SLC25A15: variants seen among roughly 807,000 people sequenced by gnomAD.
SLC25A15 encodes the protein mitochondrial ornithine transporter 1.
Under a neutral mutation model 32.3 loss-of-function variants are expected in SLC25A15, and 24 were observed. The observed-to-expected ratio is 0.74, with a 90% CI of 0.54 to 1.04. The LOEUF (loss-of-function observed/expected upper bound fraction) is 1.04, where lower values mean the gene tolerates loss of function less well. Among genes scored for constraint, SLC25A15 ranks in the 50% least tolerant of loss-of-function variants. The pLI is 0.00. For missense variants in SLC25A15, 317 were observed against 374.5 expected (o/e 0.85, Z 1.27); for synonymous variants, 132 against 142.1 (o/e 0.93, Z 0.51).
intron 3 of SLC25A15, among the ~76,000 whole-genome samples, chr13:40,800,115 G>A (rs1393937150): frequency 1.3e-5 from 2 of 152,194 alleles, no homozygotes; most frequent in Non-Finnish European, 2.9e-5. Flanking sequence ...GGCAGTCTTA[G>A]TTATTTCAGT....
At chr13:40,803,759 T>C (rs1324312734) in intron 3 of SLC25A15, among the ~76,000 whole-genome samples, 1 of 152,230 alleles carries the variant, frequency 6.6e-6, no homozygotes, top group Non-Finnish European at 1.5e-5. Context: ...GGAAAATCTT[T>C]TTGTGATGCA....
At chr13:40,805,424 G>C (rs1393894817) in intron 4 of SLC25A15, among the ~76,000 whole-genome samples, 169 bp downstream of exon 4, 2 of 152,200 alleles carry the variant, frequency 1.3e-5, no homozygotes, top group Non-Finnish European at 2.9e-5. Flanking sequence ...AGGATTGGCT[G>C]TGATGGGACC....
chr13:40,808,923 ACT>A (rs1389329128), intron 6 of SLC25A15, among the ~76,000 whole-genome samples: 1 of 110,764 alleles, frequency 9.0e-6, no homozygotes, highest in Non-Finnish European at 1.9e-5. Context: ...CAACAGCGAG[ACT>A]CTGTCTCAAA....
intron 4 of SLC25A15, among the ~76,000 whole-genome samples, chr13:40,806,632 G>A (rs1882186586): frequency 6.6e-6 from 1 of 152,202 alleles, no homozygotes; most frequent in South Asian, 2.1e-4. Flanking sequence ...TTATTACCTT[G>A]GGACTTGATC....
chr13:40,809,797 T>C lies in SLC25A15; in HGVS notation c.*130T>C, dbSNP rs541601218. On this transcript the variant is annotated 3_prime_UTR_variant, in exon 7 of 7. Coordinates refer to ENST00000338625, the MANE Select transcript of SLC25A15 (RefSeq NM_014252.4). ...GAATTTTGCTTTTTGTCTTCCCTTC[T>C]ACCCTACATCTTAAACTTTATGGAA... is the stretch of plus-strand genomic sequence containing the variant. The C allele has an allele frequency of 5.6e-6, 5 of 895,176 alleles. No individual in the cohort carries two copies. The highest frequency in any genetic ancestry group is 2.0e-5 in the Admixed American group (1 of 50,972). The allele number at this position is 895,176 out of a possible 1,614,324, so 55.5% of individuals were successfully genotyped here.
At chr13:40,792,902 G>T (rs748828373) in intron 1 of SLC25A15, among the ~76,000 whole-genome samples, 1 of 152,206 alleles carries the variant, frequency 6.6e-6, no homozygotes, top group South Asian at 2.1e-4. Flanking sequence ...TTTGGTGTTC[G>T]TTTTTTCAGT....
At chr13:40,808,805 G>A (rs1018934819) in intron 6 of SLC25A15, among the ~76,000 whole-genome samples, 2 of 151,828 alleles carry the variant, frequency 1.3e-5, no homozygotes, top group South Asian at 2.1e-4. Context: ...CGTGGTGGCA[G>A]GCACCTGTAG....
At chr13:40,801,242 A>AG (rs1281771865) in intron 3 of SLC25A15, among the ~76,000 whole-genome samples, 4 of 151,018 alleles carry the variant, frequency 2.6e-5, no homozygotes, top group African/African-American at 4.9e-5. Context: ...AAAAAAAAAA[A>AG]AAAGAAAAGA....
intron 3 of SLC25A15, 98 bp downstream of exon 3, chr13:40,799,413 G>C: frequency 6.7e-7 from 1 of 1,490,528 alleles, no homozygotes; most frequent in Non-Finnish European, 9.2e-7. Flanking sequence ...CACTTTGGGA[G>C]GCAAAGGCAG....
intron 3 of SLC25A15, among the ~76,000 whole-genome samples, chr13:40,800,880 C>T (rs773536884): frequency 2.6e-5 from 4 of 152,178 alleles, no homozygotes; most frequent in Non-Finnish European, 5.9e-5. Flanking sequence ...GTGTCTCTCT[C>T]GTGAAGAATC....
At chr13:40,794,363 T>G (rs116655604) in intron 2 of SLC25A15, among the ~76,000 whole-genome samples, 2 of 150,212 alleles carry the variant, frequency 1.3e-5, no homozygotes, top group South Asian at 2.1e-4. Context: ...AAAAGACATG[T>G]CTCTGAAAAT....
In SLC25A15 at chr13:40,812,437, T is replaced by TATC. The variant is rs1359431525; in HGVS notation, c.*2773_*2775dup. On this transcript the variant is annotated 3_prime_UTR_variant, in exon 7 of 7. Coordinates refer to ENST00000338625, the MANE Select transcript of SLC25A15 (RefSeq NM_014252.4). ...TGTGTCTAAAGAAATTTCAGTGTTC[T>TATC]ATCATTAAATTATTTACTTAATATT... Among the ~76,000 whole-genome samples, 1 of 152,258 alleles carries TATC rather than the reference T, an allele frequency of 6.6e-6. No homozygotes were observed. Among genetic ancestry groups the TATC allele is most frequent in the African/African-American group, 2.4e-5 (1 of 41,468 alleles).
intron 6 of SLC25A15, among the ~76,000 whole-genome samples, chr13:40,808,932 CAAA>C (rs58015661): frequency 3.0e-4 from 24 of 78,852 alleles, no homozygotes; most frequent in East Asian, 1.9e-3. Context: ...GACTCTGTCT[CAAA>C]AAAAAAAAAA....
At chr13:40,797,761 A>C (rs1267986042) in intron 2 of SLC25A15, among the ~76,000 whole-genome samples, 1 of 152,188 alleles carries the variant, frequency 6.6e-6, no homozygotes, top group African/African-American at 2.4e-5. Context: ...CAGAGTTTAG[A>C]TGGAATAACT....
At chr13:40,797,481 C>A (rs1386371435) in intron 2 of SLC25A15, among the ~76,000 whole-genome samples, 1 of 152,058 alleles carries the variant, frequency 6.6e-6, no homozygotes, top group Non-Finnish European at 1.5e-5. Flanking sequence ...CCAGCATTAC[C>A]TGGGAGAGAA....
chr13:40,798,709 G>A, intron 2 of SLC25A15: 1 of 956,154 alleles, frequency 1.0e-6, no homozygotes, highest in Non-Finnish European at 1.2e-6. Flanking sequence ...ATGAGGAGCT[G>A]AGGCTCAGAA....
chr13:40,808,012 A>G (rs1471729762), intron 5 of SLC25A15, among the ~76,000 whole-genome samples: 2 of 152,218 alleles, frequency 1.3e-5, no homozygotes, highest in South Asian at 2.1e-4. Flanking sequence ...AATAAAAACA[A>G]TTTTGGCTTT....
chr13:40,808,486 G>A lies in SLC25A15; in HGVS notation c.671G>A (p.Trp224Ter), dbSNP rs1339837152. ...GGTGGAGTTGGTGGGATTTGCCTCTGGCTTGCGGTATACCCAGTGGATTGT... is the reference window on the plus strand; with the variant it reads ...GGTGGAGTTGGTGGGATTTGCCTCTAGCTTGCGGTATACCCAGTGGATTGT... ...LSGGVGGICL[W>*]LAVYPVDCIK... The change falls in exon 6 of 7, where the codon TGG (tryptophan) becomes TAG (stop). Residue 224 changes from tryptophan (W) to a stop codon, truncating the protein, a stop_gained. Transcript: ENST00000338625. LOFTEE classifies it high-confidence loss of function. The A allele has an allele frequency of 1.2e-6, 2 of 1,613,422 alleles. No individual in the cohort carries two copies. The highest frequency in any genetic ancestry group is 1.7e-6 in the Non-Finnish European group (2 of 1,179,982).
chr13:40,802,808 G>A (rs767794574), intron 3 of SLC25A15, among the ~76,000 whole-genome samples: 6 of 152,038 alleles, frequency 3.9e-5, no homozygotes, highest in African/African-American at 1.4e-4. Context: ...TCTTGACCTC[G>A]TGATCTGCCC....
Sources: allele counts gnomAD v4.1 joint callset (sites outside exome capture counted in the v4.1 genomes callset), GRCh38; gene constraint gnomAD v4.1.1; transcripts MANE v1.5; gene names NCBI Gene and HGNC (gene_info 2026-07-23, HGNC 2026-07-21).